The following NRXN2 variants were observed in gnomAD, a reference collection of about 807,000 sequenced individuals.
NRXN2 encodes neurexin-2-beta.
A neutral mutation model predicts 128.8 loss-of-function variants in NRXN2; 29 were observed. The observed-to-expected ratio is 0.23, with a 90% CI of 0.17 to 0.31. The LOEUF is 0.31. Among genes scored for constraint, NRXN2 ranks in the 10% least tolerant of loss-of-function variants. NRXN2 has a pLI of 1.00. For missense variants in NRXN2, 1,881 were observed against 2,452.6 expected (o/e 0.77, Z 4.92); for synonymous variants, 1,098 against 1,075.2 (o/e 1.02, Z -0.41).
chr11:64,611,158 G>A (rs1210575728), intron 22 of NRXN2, among the ~76,000 whole-genome samples: 1 of 152,214 alleles, frequency 6.6e-6, no homozygotes, highest in Admixed American at 6.5e-5. Context: ...AGGGGAAGGG[G>A]AGTAATATTC....
chr11:64,609,817 C>G (rs1346260692), intron 22 of NRXN2, among the ~76,000 whole-genome samples: 1 of 152,128 alleles, frequency 6.6e-6, no homozygotes, highest in Non-Finnish European at 1.5e-5. Context: ...CTGCCCACAT[C>G]TGAGTGCCTC....
chr11:64,615,155 C>T (rs2041278929), intron 22 of NRXN2, among the ~76,000 whole-genome samples: 1 of 152,240 alleles, frequency 6.6e-6, no homozygotes, highest in Admixed American at 6.5e-5. Flanking sequence ...ACGCCTCTCC[C>T]ACGGCTGGCC....
chr11:64,620,074 G>T (rs1371346714), intron 22 of NRXN2, among the ~76,000 whole-genome samples: 1 of 152,252 alleles, frequency 6.6e-6, no homozygotes, highest in African/African-American at 2.4e-5. Flanking sequence ...CAGGACCCCA[G>T]GCTAAGGACC....
intron 3 of NRXN2, among the ~76,000 whole-genome samples, chr11:64,693,595 A>G (rs961136260): frequency 2.0e-5 from 3 of 152,166 alleles, no homozygotes; most frequent in African/African-American, 7.2e-5. Context: ...GTTTGGAAGG[A>G]CACCTGTTGG....
At chr11:64,650,015 C>A (rs2047242749) in intron 15 of NRXN2, among the ~76,000 whole-genome samples, 1 of 152,098 alleles carries the variant, frequency 6.6e-6, no homozygotes, top group South Asian at 2.1e-4. Context: ...CCAGCCGATG[C>A]CCAAGACAGG....
At chr11:64,636,118 G>C (rs932139879) in intron 17 of NRXN2, among the ~76,000 whole-genome samples, 32 of 151,396 alleles carry the variant, frequency 2.1e-4, no homozygotes, top group Admixed American at 1.9e-3. Flanking sequence ...GGTGGGGGAG[G>C]GGGGAGAGGG....
Position 64,631,603 on chromosome 11 carries a change from C to A in NRXN2, c.3586-1030G>T, listed in dbSNP as rs1005745995. ...CATCAAGAAAGAGACTGAGGCTCAG[C>A]ATAGTTAAATAACATCTCAAAATCT... On this transcript the variant is annotated intron_variant, in intron 18 of 22. Coordinates refer to ENST00000265459, the MANE Select transcript of NRXN2 (RefSeq NM_015080.4). This position sits in a 1 kb window ranked among gnomAD's most constrained non-coding sequence, Gnocchi z 4.8. 3.9e-5 allele frequency among the ~76,000 whole-genome samples: 6 copies of A among 152,144 alleles called. No homozygotes were observed. Among genetic ancestry groups the A allele is most frequent in the African/African-American group, 1.4e-4 (6 of 41,418 alleles).
intron 20 of NRXN2, among the ~76,000 whole-genome samples, chr11:64,624,563 T>C (rs1345845556): frequency 6.6e-6 from 1 of 152,206 alleles, no homozygotes; most frequent in Non-Finnish European, 1.5e-5. Context: ...TTCCCAGACA[T>C]AAGAATCATG....
rs778444295 is a variant in NRXN2, at chr11:64,660,902, G to A, written c.2036C>T (p.Ala679Val). 6.2e-7 allele frequency: 1 copy of A among 1,613,460 alleles called. No homozygotes were observed. Among genetic ancestry groups the A allele is most frequent in the Non-Finnish European group, 8.5e-7 (1 of 1,179,664 alleles). The change falls in exon 10 of 23, where the codon GCT (alanine) becomes GTT (valine). Residue 679 changes from alanine (A) to valine (V), a missense_variant. Transcript: ENST00000265459. The surrounding 1 kb of genome is among the most constrained non-coding windows in gnomAD (Gnocchi z 5.2). ...GGAGCAAAAGGGGGCAACGCCCACA[G>A]CCCCCTGAGCCTCAGCCAGGCCCCG... ...DLRGLAEAQGAVGVAPFCSRE... is the reference protein window; with the variant it reads ...DLRGLAEAQGVVGVAPFCSRE...
rs1286128071 is a variant in NRXN2, at chr11:64,637,966, C to CA, written c.3404-2515dup. On this transcript the variant is annotated intron_variant, in intron 17 of 22. Transcript: ENST00000265459. Reference sequence around the variant, plus strand: ...CCCAGCGCCCAAGCCCCAGGCCCCACACCCACACACAGGCGGCGACGCACC... The same window carrying CA: ...CCCAGCGCCCAAGCCCCAGGCCCCACAACCCACACACAGGCGGCGACGCACC... Among the ~76,000 whole-genome samples, 12 of 152,284 alleles carry CA rather than the reference C, an allele frequency of 7.9e-5. No individual in the cohort carries two copies. The South Asian group carries it at 2.5e-3, about 32-fold the overall frequency.
chr11:64,701,633 G>GGA (rs1472492045), intron 2 of NRXN2, among the ~76,000 whole-genome samples: 1 of 152,184 alleles, frequency 6.6e-6, no homozygotes, highest in Non-Finnish European at 1.5e-5. Flanking sequence ...CAGCTACTTG[G>GGA]GAGACTGAGG....
Position 64,712,691 on chromosome 11 carries a change from C to T in NRXN2, c.730+279G>A, listed in dbSNP as rs557044458. The T allele has an allele frequency of 1.9e-4, 119 of 618,202 alleles. 1 individual carries two copies. The highest frequency in any genetic ancestry group is 3.4e-4 in the Non-Finnish European group (110 of 321,532). 38.3% of individuals were successfully genotyped at this position (618,202 alleles called of 1,614,324 possible). ...GCTTCATGCACCCCACCCTCAGCAG[C>T]CCCTTCAGAACCTGACCACACAGGC... is the stretch of plus-strand genomic sequence containing the variant. On this transcript the variant is annotated intron_variant, in intron 2 of 22. Transcript: ENST00000265459.
At chr11:64,689,185 GT>G (rs1220398414) in intron 5 of NRXN2, among the ~76,000 whole-genome samples, 1 of 151,938 alleles carries the variant, frequency 6.6e-6, no homozygotes, top group African/African-American at 2.4e-5. Context: ...ACTCATGCCA[GT>G]TGGTAACTTT....
At chr11:64,716,002 A>G (rs1038103538) in intron 1 of NRXN2, among the ~76,000 whole-genome samples, 1 of 152,062 alleles carries the variant, frequency 6.6e-6, no homozygotes, top group Non-Finnish European at 1.5e-5. Context: ...GGAAAGGTCT[A>G]AGCTTTCCCT....
intron 2 of NRXN2, among the ~76,000 whole-genome samples, chr11:64,702,535 T>C (rs1338015985): frequency 2.0e-5 from 3 of 152,080 alleles, no homozygotes; most frequent in Middle Eastern, 3.4e-3. Context: ...ATGTGCTGTA[T>C]CCACTCAGGG....
chr11:64,667,165 A>G lies in NRXN2; in HGVS notation c.1798+85T>C. 1 of 1,362,168 alleles carries G rather than the reference A, an allele frequency of 7.3e-7. No individual in the cohort carries two copies. The allele number at this position is 1,362,168 out of a possible 1,614,324, so 84.4% of individuals were successfully genotyped here. On this transcript the variant is annotated intron_variant, in intron 9 of 22. Transcript: ENST00000265459. The surrounding 1 kb of genome is among the most constrained non-coding windows in gnomAD (Gnocchi z 5.6). ...GAATATAGGAAATGGTGTAGAAGAG[A>G]CCCGCTGAAGAGAGACGGAGAGGAT...
chr11:64,649,069 C>G (rs1031174259), intron 15 of NRXN2, among the ~76,000 whole-genome samples, 162 bp from the exon 16 acceptor site: 1 of 152,138 alleles, frequency 6.6e-6, no homozygotes, highest in South Asian at 2.1e-4. Flanking sequence ...ACCCGCACCC[C>G]CCCAACACAC....
intron 5 of NRXN2, 151 bp downstream of exon 5, chr11:64,690,254 A>G: frequency 1.4e-6 from 1 of 700,588 alleles, no homozygotes; most frequent in Non-Finnish European, 2.5e-6. Context: ...GGCCTTTGGA[A>G]TGGCACTCGG....
chr11:64,715,934 C>T (rs564699521), intron 1 of NRXN2, among the ~76,000 whole-genome samples: 3 of 152,316 alleles, frequency 2.0e-5, no homozygotes, highest in African/African-American at 7.2e-5. Flanking sequence ...CTCACCCCCC[C>T]ACACACAAGC....
Sources: allele counts gnomAD v4.1 joint callset (sites outside exome capture counted in the v4.1 genomes callset), GRCh38; gene constraint gnomAD v4.1.1; non-coding constraint Gnocchi (gnomAD v3.1); transcripts MANE v1.5; gene names NCBI Gene and HGNC (gene_info 2026-07-23, HGNC 2026-07-21).